Variants in WDPCP observed in about 807,000 individuals in gnomAD.
WDPCP encodes the protein WD repeat-containing and planar cell polarity effector protein fritz homolog.
WDPCP carries 71 observed loss-of-function variants against 93.1 expected under a neutral mutation model. The ratio of observed to expected loss-of-function variants is 0.76; its 90% CI spans 0.63 to 0.93. The LOEUF (loss-of-function observed/expected upper bound fraction) is 0.93. WDPCP is among the 40% of genes least tolerant of loss of function. The pLI is 0.00. For missense variants in WDPCP, 844 were observed against 887.4 expected (o/e 0.95, Z 0.62); for synonymous variants, 315 against 315.0 (o/e 1.00, Z 0.00).
the WDPCP span, among the ~76,000 whole-genome samples, chr2:63,840,287 A>G: frequency 2.0e-5 from 3 of 152,238 alleles, no homozygotes; most frequent in African/African-American, 7.2e-5. Context: ...AACAGTCCCC[A>G]GGCTAGTGTC....
rs140937446 is a variant in WDPCP, at chr2:63,460,263, A to T, written c.385-20392T>A. Among the ~76,000 whole-genome samples the T allele has an allele frequency of 2.8e-4, 42 of 152,284 alleles. No individual in the cohort carries two copies. In the East Asian group the frequency reaches 7.7e-3, roughly 28 times the overall value. ...AGACAGGTACTACATGTTCTTACTC[A>T]TATATGGGAGCTAAAAGCTTGACCT... On this transcript the variant is annotated intron_variant, in intron 6 of 17. Coordinates refer to ENST00000272321, the MANE Select transcript of WDPCP (RefSeq NM_015910.7).
intron 1 of WDPCP, among the ~76,000 whole-genome samples, chr2:63,535,650 GC>G (rs1287465831): frequency 6.1e-4 from 93 of 152,272 alleles, no homozygotes; most frequent in African/African-American, 2.1e-3. Context: ...AGGAAAACTG[GC>G]TAGCCATATG....
chr2:63,575,508 C>G lies in WDPCP; in HGVS notation c.75+12689G>C, dbSNP rs368262270. ...ATATATAGTATATACAGTATATACA[C>G]TGTATATATAGTATATACAGTATAT... is the stretch of plus-strand genomic sequence containing the variant. On this transcript the variant is annotated intron_variant, in intron 1 of 17. Coordinates refer to ENST00000272321, the MANE Select transcript of WDPCP (RefSeq NM_015910.7). Among the ~76,000 whole-genome samples, 109 of 65,720 alleles carry G rather than the reference C, an allele frequency of 1.7e-3. 8 individuals are homozygous for G. Among genetic ancestry groups the G allele is most frequent in the Non-Finnish European group, 2.0e-3 (63 of 30,784 alleles). 43.1% of individuals were successfully genotyped at this position (65,720 alleles called of 152,430 possible). A position where few individuals can be genotyped will look rare whatever the true frequency, so the allele number is the denominator to read the frequency against.
At chr2:63,412,308 A>C (rs1342486758) in intron 9 of WDPCP, among the ~76,000 whole-genome samples, 1 of 152,310 alleles carries the variant, frequency 6.6e-6, no homozygotes, top group South Asian at 2.1e-4. Context: ...ATACAGAAAA[A>C]GCATTTGACA....
At chr2:63,736,061 A>G (rs1398898115) in intron 2 of WDPCP, among the ~76,000 whole-genome samples, 3 of 152,216 alleles carry the variant, frequency 2.0e-5, no homozygotes, top group African/African-American at 7.2e-5. Flanking sequence ...AGTCTAGGCC[A>G]GTTTCCCCAC....
intron 15 of WDPCP, among the ~76,000 whole-genome samples, chr2:63,161,331 CTT>C (rs2103894567): frequency 6.6e-6 from 1 of 152,314 alleles, no homozygotes; most frequent in Non-Finnish European, 1.5e-5. Context: ...GTGCTTTTCA[CTT>C]TCCATAATTC....
chr2:63,733,486 G>C lies in WDPCP; in HGVS notation n.308+80136C>G, dbSNP rs962964805. Reference sequence around the variant, plus strand: ...CAAAGTGCTGGGATTACAGGCGTGAGCCACCGCGCCCGGCCGCCAAATAAA... The same window carrying C: ...CAAAGTGCTGGGATTACAGGCGTGACCCACCGCGCCCGGCCGCCAAATAAA... On this transcript the variant is annotated intron_variant and non_coding_transcript_variant, in intron 2 of 4. Coordinates refer to the WDPCP transcript ENST00000467687. Among the ~76,000 whole-genome samples, 51 of 147,232 alleles carry C rather than the reference G, an allele frequency of 3.5e-4. 1 individual carries two copies. The highest frequency in any genetic ancestry group is 6.7e-4 in the Non-Finnish European group (44 of 66,028).
intron 15 of WDPCP, 116 bp downstream of exon 15, chr2:63,174,554 A>G (rs915151252): frequency 4.3e-6 from 6 of 1,402,722 alleles, no homozygotes; most frequent in Non-Finnish European, 6.0e-6. Context: ...AGCCATGAGA[A>G]ATGCAAATTT....
At chr2:63,329,522 A>G (rs1415549072) in intron 12 of WDPCP, among the ~76,000 whole-genome samples, 12 of 152,196 alleles carry the variant, frequency 7.9e-5, no homozygotes, top group Admixed American at 7.9e-4. Context: ...AGAATTAGAG[A>G]TTGACTAATC....
intron 3 of WDPCP, chr2:63,599,347 C>T: frequency 6.4e-7 from 1 of 1,550,988 alleles, no homozygotes; most frequent in Non-Finnish European, 8.7e-7. Flanking sequence ...ACATTTTTCT[C>T]TCACTTTTAA....
chr2:63,221,762 A>G (rs1677854202), intron 14 of WDPCP, among the ~76,000 whole-genome samples: 1 of 152,174 alleles, frequency 6.6e-6, no homozygotes. Context: ...AGGCATTGCT[A>G]TATGTAGGTG....
chr2:63,570,295 A>T (rs528152415), intron 1 of WDPCP, among the ~76,000 whole-genome samples: 1 of 152,340 alleles, frequency 6.6e-6, no homozygotes, highest in South Asian at 2.1e-4. Context: ...AAACATATGT[A>T]TTATCATGCA....
chr2:63,705,765 T>C lies in WDPCP; in HGVS notation n.309-54927A>G, dbSNP rs960336201. On this transcript the variant is annotated intron_variant and non_coding_transcript_variant, in intron 2 of 4. Coordinates refer to the WDPCP transcript ENST00000467687. ...GTGTGATGTGATGCTGAGAAGAATG[T>C]GTATTCTGTTGATCTGGGGTGGAGA... Among the ~76,000 whole-genome samples, 6 of 145,658 alleles carry C rather than the reference T, an allele frequency of 4.1e-5. 1 individual carries two copies. Among genetic ancestry groups the C allele is most frequent in the African/African-American group, 1.5e-4 (6 of 40,288 alleles).
intron 2 of WDPCP, among the ~76,000 whole-genome samples, chr2:63,741,124 G>A (rs1669709084): frequency 6.6e-6 from 1 of 152,078 alleles, no homozygotes; most frequent in Non-Finnish European, 1.5e-5. Flanking sequence ...AAGGAAGCTG[G>A]AATTTTCTGG....
chr2:63,592,792 A>T (rs1709225029), upstream of WDPCP, among the ~76,000 whole-genome samples: 2 of 152,232 alleles, frequency 1.3e-5, no homozygotes, highest in African/African-American at 4.8e-5. Context: ...CAGAGTTCCA[A>T]CTACAGGACA....
At chr2:63,761,474 T>C (rs1670053412) in intron 2 of WDPCP, among the ~76,000 whole-genome samples, 1 of 152,170 alleles carries the variant, frequency 6.6e-6, no homozygotes, top group Non-Finnish European at 1.5e-5. Context: ...ATCCTAATAC[T>C]ATTATATATA....
intron 2 of WDPCP, among the ~76,000 whole-genome samples, chr2:63,772,687 AT>A (rs1237375134): frequency 1.3e-5 from 2 of 152,074 alleles, no homozygotes; most frequent in Admixed American, 6.6e-5. Flanking sequence ...GATATCAACT[AT>A]ATCAATTCAG....
At chr2:63,617,893 A>G (rs1364207495) in intron 3 of WDPCP, among the ~76,000 whole-genome samples, 2 of 152,232 alleles carry the variant, frequency 1.3e-5, no homozygotes, top group Non-Finnish European at 2.9e-5. Context: ...GCATATATGT[A>G]CACATTTGTT....
chr2:63,752,198 T>C (rs1669893756), intron 2 of WDPCP: 3 of 153,616 alleles, frequency 2.0e-5, no homozygotes, highest in South Asian at 1.0e-4. Context: ...ACAAAGCTCC[T>C]TTTTTTTTTT....
Sources: allele counts gnomAD v4.1 joint callset (sites outside exome capture counted in the v4.1 genomes callset), GRCh38; gene constraint gnomAD v4.1.1; transcripts MANE v1.5; gene names NCBI Gene and HGNC (gene_info 2026-07-23, HGNC 2026-07-21).